The following CAMK2D variants were observed in gnomAD, a reference collection of about 807,000 sequenced individuals.
CAMK2D encodes the protein calcium/calmodulin dependent protein kinase II delta.
A neutral mutation model predicts 84.0 loss-of-function variants in CAMK2D; 37 were observed. That is an observed-to-expected ratio of 0.44 (90% CI 0.34 to 0.58). The LOEUF (loss-of-function observed/expected upper bound fraction) is 0.58. Among genes scored for constraint, CAMK2D ranks in the 20% least tolerant of loss-of-function variants. The pLI, the probability that CAMK2D is intolerant of heterozygous loss-of-function variation, is 0.02. For missense variants in CAMK2D, 448 were observed against 652.5 expected (o/e 0.69, Z 3.41); for synonymous variants, 202 against 212.5 (o/e 0.95, Z 0.43).
At chr4:113,718,734 G>A (rs57380700) in intron 2 of CAMK2D, among the ~76,000 whole-genome samples, 4,945 of 152,294 alleles carry the variant, frequency 0.032, 279 homozygotes, top group African/African-American at 0.11. Context: ...TATGCCCAGG[G>A]ATGAACAAGG....
At chr4:113,464,400 C>A (rs1397408553) in intron 17 of CAMK2D, among the ~76,000 whole-genome samples, 1 of 151,948 alleles carries the variant, frequency 6.6e-6, no homozygotes, top group Non-Finnish European at 1.5e-5. Flanking sequence ...CTCTTTTATT[C>A]TTGGTTTTTT....
intron 2 of CAMK2D, chr4:113,677,632 T>C (rs2099324145): frequency 1.8e-6 from 1 of 550,942 alleles, no homozygotes; most frequent in Non-Finnish European, 2.3e-6. Context: ...CCCATGTCAG[T>C]AGTGGCCCTT....
intron 5 of CAMK2D, among the ~76,000 whole-genome samples, chr4:113,550,166 T>C (rs2098614712): frequency 6.6e-6 from 1 of 152,174 alleles, no homozygotes; most frequent in Admixed American, 6.5e-5. Flanking sequence ...AAAAAATTTT[T>C]ACAATTTTTT....
intron 4 of CAMK2D, among the ~76,000 whole-genome samples, chr4:113,573,216 AAAC>A (rs1484514719): frequency 1.3e-5 from 2 of 152,228 alleles, no homozygotes; most frequent in African/African-American, 2.4e-5. Flanking sequence ...GAAAAACTCC[AAAC>A]AACAAAACAT....
chr4:113,630,816 T>C (rs1239562630), intron 3 of CAMK2D, among the ~76,000 whole-genome samples: 2 of 152,178 alleles, frequency 1.3e-5, no homozygotes, highest in Admixed American at 1.3e-4. Context: ...CCTAGTGACA[T>C]GCCTGCACAC....
chr4:113,466,953 AT>A (rs1589751774), intron 16 of CAMK2D, among the ~76,000 whole-genome samples: 1 of 152,162 alleles, frequency 6.6e-6, no homozygotes, highest in East Asian at 1.9e-4. Context: ...GGCAAAGAAC[AT>A]TTTATTTTCT....
At chr4:113,501,875 G>A (rs874110) in intron 15 of CAMK2D, among the ~76,000 whole-genome samples, 32,251 of 151,930 alleles carry the variant, frequency 0.21, 3,716 homozygotes, top group African/African-American at 0.27. Flanking sequence ...CTACCTCAAG[G>A]CTTTTCGGGA....
intron 4 of CAMK2D, among the ~76,000 whole-genome samples, chr4:113,569,151 G>A (rs2098740044): frequency 6.6e-6 from 1 of 152,120 alleles, no homozygotes; most frequent in South Asian, 2.1e-4. Flanking sequence ...CCAAAGTGCT[G>A]TGATTAGAGG....
chr4:113,460,531 T>C (rs1024108995), intron 17 of CAMK2D, among the ~76,000 whole-genome samples: 39 of 152,024 alleles, frequency 2.6e-4, no homozygotes, highest in African/African-American at 9.2e-4. Flanking sequence ...TTTTTATTTT[T>C]AAGGTGAATT....
rs113674895 is a variant in CAMK2D, at chr4:113,495,254, C to A, written c.1135+5209G>T. Among the ~76,000 whole-genome samples the A allele has an allele frequency of 3.8e-3, 572 of 152,252 alleles. 3 individuals are homozygous for A. The highest frequency in any genetic ancestry group is 0.013 in the African/African-American group (533 of 41,542). ...GTTATTATACACTACACTACAGTTTCCTCTAAGACATTTTTAACCTAATGG... is the reference window on the plus strand; with the variant it reads ...GTTATTATACACTACACTACAGTTTACTCTAAGACATTTTTAACCTAATGG... On this transcript the variant is annotated intron_variant, in intron 16 of 20. Coordinates refer to ENST00000511664, the MANE Select transcript of CAMK2D (RefSeq NM_001321571.2).
chr4:113,570,340 G>A (rs982369424), intron 4 of CAMK2D, among the ~76,000 whole-genome samples: 1 of 152,080 alleles, frequency 6.6e-6, no homozygotes, highest in Non-Finnish European at 1.5e-5. Context: ...AACAGCTAGA[G>A]CAATCTTGAG....
At chr4:113,650,517 CAA>C (rs34938947) in intron 3 of CAMK2D, among the ~76,000 whole-genome samples, 11 of 86,896 alleles carry the variant, frequency 1.3e-4, no homozygotes, top group Non-Finnish European at 1.5e-4. Flanking sequence ...AACTCCATCT[CAA>C]AAAAAAAAAA....
At chr4:113,545,223 C>T (rs1210127965) in intron 6 of CAMK2D, among the ~76,000 whole-genome samples, 2 of 151,992 alleles carry the variant, frequency 1.3e-5, no homozygotes, top group Non-Finnish European at 2.9e-5. Flanking sequence ...TGTGGAGTAT[C>T]GCATTACGTT....
At chr4:113,707,292 G>A (rs1020067778) in intron 2 of CAMK2D, among the ~76,000 whole-genome samples, 2 of 152,082 alleles carry the variant, frequency 1.3e-5, no homozygotes, top group East Asian at 3.8e-4. Flanking sequence ...AAGGAAGGAA[G>A]CCCACACAGA....
At chr4:113,709,561 T>C (rs887528295) in intron 2 of CAMK2D, among the ~76,000 whole-genome samples, 2 of 150,884 alleles carry the variant, frequency 1.3e-5, no homozygotes, top group African/African-American at 4.9e-5. Flanking sequence ...ATTGGCTGAA[T>C]GTAAGCAGGC....
chr4:113,534,777 A>C (rs985870687), intron 7 of CAMK2D, among the ~76,000 whole-genome samples: 8 of 152,196 alleles, frequency 5.3e-5, no homozygotes, highest in Admixed American at 1.3e-4. Context: ...ACTCAATCTT[A>C]TAACAGTCCT....
intron 2 of CAMK2D, among the ~76,000 whole-genome samples, chr4:113,689,598 T>C (rs374417921): frequency 6.6e-6 from 1 of 152,232 alleles, no homozygotes; most frequent in African/African-American, 2.4e-5. Flanking sequence ...TTCAGAAAGT[T>C]TGCACTTCCT....
intron 14 of CAMK2D, among the ~76,000 whole-genome samples, chr4:113,504,570 T>A (rs1407816104): frequency 1.3e-5 from 2 of 152,132 alleles, no homozygotes; most frequent in Non-Finnish European, 2.9e-5. Context: ...TCCCATTAGC[T>A]CTCCTTGATG....
intron 2 of CAMK2D, among the ~76,000 whole-genome samples, chr4:113,735,661 C>CA (rs932535398): frequency 1.3e-5 from 2 of 151,942 alleles, no homozygotes; most frequent in Non-Finnish European, 2.9e-5. Flanking sequence ...AAATGATGTT[C>CA]AAAAAATTAA....
Sources: gnomAD v4.1 joint callset for allele counts (sites outside exome capture counted in the v4.1 genomes callset) on GRCh38, gnomAD v4.1.1 for gene constraint, MANE v1.5 for transcripts, NCBI Gene and HGNC (gene_info 2026-07-23, HGNC 2026-07-21) for gene names.